Variants in ITPR2 observed in about 807,000 individuals in gnomAD.
The protein encoded by ITPR2 is inositol 1,4,5-trisphosphate receptor type 2.
A neutral mutation model predicts 317.1 loss-of-function variants in ITPR2; 207 were observed. The ratio of observed to expected loss-of-function variants is 0.65; its 90% CI spans 0.58 to 0.73. The LOEUF is 0.73. Among genes scored for constraint, ITPR2 ranks in the 30% least tolerant of loss-of-function variants. The pLI is 0.00. For missense variants in ITPR2, 2,613 were observed against 3,284.0 expected, an observed-to-expected ratio of 0.80 and a Z score of 4.99; for synonymous variants, 1,156 against 1,149.1, an observed-to-expected ratio of 1.01 and a Z score of -0.12.
chr12:26,646,825 A>T (rs1197022468), intron 21 of ITPR2, among the ~76,000 whole-genome samples: 1 of 152,220 alleles, frequency 6.6e-6, no homozygotes, highest in Non-Finnish European at 1.5e-5. Context: ...CATTTTCTAC[A>T]TCATAACATA....
In ITPR2 at chr12:26,814,079, A is replaced by G. The variant is rs138008312; in HGVS notation, c.92+18611T>C. Among the ~76,000 whole-genome samples the G allele has an allele frequency of 1.1e-4, 17 of 152,256 alleles. No homozygotes were observed. In the East Asian group the frequency reaches 3.3e-3, roughly 29 times the overall value. On this transcript the variant is annotated intron_variant, in intron 1 of 56. Coordinates refer to ENST00000381340, the MANE Select transcript of ITPR2 (RefSeq NM_002223.4). ...CATCGAGCCAGCCATTGCAACAGTA[A>G]TAACCATAGTGTTTTTTTCTGGAGT...
At position 26,491,270 on chromosome 12, in the gene ITPR2, T is replaced by C. The variant is rs979471894; in HGVS notation, c.5370+2883A>G. Among the ~76,000 whole-genome samples the C allele has an allele frequency of 4.0e-5, 6 of 151,660 alleles. No homozygotes were observed. In the South Asian group the frequency reaches 6.3e-4, roughly 16 times the overall value. ...AGGCTGAGGCAGGTGGATCACGAGG[T>C]CAGGAGATCAAGACCATCCTGGCTA... On this transcript the variant is annotated intron_variant, in intron 39 of 56. Coordinates refer to ENST00000381340, the MANE Select transcript of ITPR2 (RefSeq NM_002223.4).
intron 21 of ITPR2, among the ~76,000 whole-genome samples, chr12:26,646,173 C>T (rs1228735357): frequency 6.6e-6 from 1 of 152,056 alleles, no homozygotes; most frequent in East Asian, 1.9e-4. Flanking sequence ...AGGAAGATTA[C>T]ATACTAATCT....
At position 26,596,871 on chromosome 12, in the gene ITPR2, T is replaced by C. The variant is rs1945859100; in HGVS notation, c.4254+12A>G. ...GATTCTATTAGAGCTGCTAAGCTTTTGCCAGGCTTACCTCAGGGATGCAGT... is the reference window on the plus strand; with the variant it reads ...GATTCTATTAGAGCTGCTAAGCTTTCGCCAGGCTTACCTCAGGGATGCAGT... On this transcript the variant is annotated intron_variant, in intron 31 of 56. Transcript: ENST00000381340. 6.6e-7 allele frequency: 1 copy of C among 1,516,788 alleles called. No individual in the cohort carries two copies. Among genetic ancestry groups the C allele is most frequent in the African/African-American group, 1.4e-5 (1 of 71,598 alleles). 94.0% of individuals were successfully genotyped at this position (1,516,788 alleles called of 1,614,324 possible).
chr12:26,683,884 G>T (rs1948081309), intron 11 of ITPR2, among the ~76,000 whole-genome samples: 1 of 152,154 alleles, frequency 6.6e-6, no homozygotes, highest in African/African-American at 2.4e-5. Flanking sequence ...AGCACAGTAA[G>T]TACTCTGCCT....
intron 55 of ITPR2, among the ~76,000 whole-genome samples, chr12:26,355,517 T>C (rs12823720): frequency 1.3e-5 from 2 of 152,040 alleles, no homozygotes; most frequent in Admixed American, 1.3e-4. Flanking sequence ...TTTGAGATAT[T>C]ATCTACTGGG....
At chr12:26,388,320 G>C (rs2136630378) in intron 54 of ITPR2, among the ~76,000 whole-genome samples, 1 of 152,304 alleles carries the variant, frequency 6.6e-6, no homozygotes, top group Middle Eastern at 3.4e-3. Context: ...ATGAATTTGA[G>C]TGCCAAGTGA....
chr12:26,344,913 C>G (rs578081920), intron 55 of ITPR2, among the ~76,000 whole-genome samples: 1 of 152,240 alleles, frequency 6.6e-6, no homozygotes, highest in Middle Eastern at 3.4e-3. Context: ...ATTCTGTCTT[C>G]CAACCCTCTT....
intron 11 of ITPR2, among the ~76,000 whole-genome samples, chr12:26,683,943 A>C (rs1037774480): frequency 6.6e-6 from 1 of 152,252 alleles, no homozygotes; most frequent in Admixed American, 6.5e-5. Flanking sequence ...ATACGTCTTA[A>C]AACATAAGGT....
chr12:26,605,137 A>T (rs1946102888), intron 26 of ITPR2, among the ~76,000 whole-genome samples: 1 of 147,620 alleles, frequency 6.8e-6, no homozygotes, highest in African/African-American at 2.5e-5. Context: ...ATATATATAT[A>T]TATATGAGAA....
chr12:26,761,899 A>T (rs1949641662), intron 2 of ITPR2, among the ~76,000 whole-genome samples: 1 of 152,232 alleles, frequency 6.6e-6, no homozygotes. Flanking sequence ...AGAGACAGAA[A>T]CCATAAAAAG....
chr12:26,667,174 C>A (rs528002376), intron 13 of ITPR2, among the ~76,000 whole-genome samples: 20 of 152,300 alleles, frequency 1.3e-4, no homozygotes, highest in African/African-American at 4.8e-4. Context: ...AGAGCTTCAA[C>A]AATTCCAGGA....
chr12:26,564,131 T>G (rs1253331380), intron 34 of ITPR2, among the ~76,000 whole-genome samples: 3 of 152,106 alleles, frequency 2.0e-5, no homozygotes, highest in Non-Finnish European at 4.4e-5. Flanking sequence ...GAAAAATAAC[T>G]GATAGAAACA....
intron 21 of ITPR2, among the ~76,000 whole-genome samples, chr12:26,639,869 G>A (rs377204435): frequency 2.5e-4 from 38 of 151,932 alleles, no homozygotes; most frequent in African/African-American, 7.7e-4. Flanking sequence ...CCAGTCTATC[G>A]TTGTTGGACA....
intron 55 of ITPR2, among the ~76,000 whole-genome samples, chr12:26,349,022 C>T (rs1755927949): frequency 6.6e-6 from 1 of 152,086 alleles, no homozygotes; most frequent in African/African-American, 2.4e-5. Flanking sequence ...GTGGCGCACA[C>T]CTATAGTCCA....
chr12:26,442,332 CAT>C (rs1941504929), intron 46 of ITPR2, among the ~76,000 whole-genome samples: 1 of 152,158 alleles, frequency 6.6e-6, no homozygotes, highest in African/African-American at 2.4e-5. Flanking sequence ...ATACTTATAA[CAT>C]AGAATTATCT....
intron 45 of ITPR2, among the ~76,000 whole-genome samples, chr12:26,472,062 T>C (rs915137537): frequency 6.6e-6 from 1 of 152,222 alleles, no homozygotes; most frequent in East Asian, 1.9e-4. Flanking sequence ...CAGAGCACAA[T>C]GGTCTCTCTT....
chr12:26,337,148 G>C lies in ITPR2; in HGVS notation c.*2249C>G, dbSNP rs1937942020. On this transcript the variant is annotated 3_prime_UTR_variant, in exon 57 of 57. Coordinates refer to ENST00000381340, the MANE Select transcript of ITPR2 (RefSeq NM_002223.4). The stretch of plus-strand genomic sequence containing the variant: ...AAAATATGCTGTGAAACAGTGATCT[G>C]CCACTACAAAGTGGTTGGGGACATT... 1 of 152,042 alleles carries C rather than the reference G, an allele frequency of 6.6e-6. No homozygotes were observed. The highest frequency in any genetic ancestry group is 2.4e-5 in the African/African-American group (1 of 41,358). 9.4% of individuals were successfully genotyped at this position (152,042 alleles called of 1,614,324 possible).
chr12:26,561,706 TA>T (rs1944823396), intron 35 of ITPR2, 55 bp downstream of exon 35: 4 of 1,332,978 alleles, frequency 3.0e-6, no homozygotes, highest in Non-Finnish European at 4.0e-6. Flanking sequence ...TGTGACTACA[TA>T]TTTTTAAAAA....
Sources: gnomAD v4.1 joint callset for allele counts (sites outside exome capture counted in the v4.1 genomes callset) on GRCh38, gnomAD v4.1.1 for gene constraint, MANE v1.5 for transcripts, NCBI Gene and HGNC (gene_info 2026-07-23, HGNC 2026-07-21) for gene names.